TBX15: variants seen among roughly 807,000 people sequenced by gnomAD.
TBX15 encodes T-box transcription factor TBX15.
Under a neutral mutation model 53.9 loss-of-function variants are expected in TBX15, and 18 were observed. The observed-to-expected ratio is 0.33, with a 90% CI of 0.23 to 0.49. The LOEUF is 0.49. TBX15 is among the 20% of genes least tolerant of loss of function. TBX15 has a pLI of 0.98. For synonymous variants in TBX15, 295 were observed against 278.0 expected, an observed-to-expected ratio of 1.06 and a Z score of -0.61; for missense variants, 692 against 749.5, an observed-to-expected ratio of 0.92 and a Z score of 0.90.
intron 2 of TBX15, among the ~76,000 whole-genome samples, chr1:118,928,824 C>T (rs1655687480): frequency 1.3e-5 from 2 of 152,186 alleles, no homozygotes; most frequent in Admixed American, 6.5e-5. Flanking sequence ...TACCTGACTT[C>T]TAAAATAAAT....
chr1:118,899,075 A>C lies in TBX15; in HGVS notation c.977T>G (p.Val326Gly). The change falls in exon 7 of 8, where the codon GTG (valine) becomes GGG (glycine). Residue 326 changes from valine (V) to glycine (G), a missense_variant. Physicochemically the swap from Val to Gly is moderately radical, Grantham distance 109 (BLOSUM62 -3). Coordinates refer to ENST00000369429, the MANE Select transcript of TBX15 (RefSeq NM_001330677.2). ...GAAGTCTTCGAAGGTGAGTGTGCGC[A>C]CAGGAGGTCTCCAGAATGCATATGT... ...METYAFWRPP[V>G]RTLTFEDFTT... The C allele has an allele frequency of 6.2e-7, 1 of 1,613,708 alleles. No homozygotes were observed. Among genetic ancestry groups the C allele is most frequent in the East Asian group, 2.2e-5 (1 of 44,846 alleles).
chr1:118,920,187 G>A (rs1319891990), intron 5 of TBX15, among the ~76,000 whole-genome samples: 2 of 152,098 alleles, frequency 1.3e-5, no homozygotes, highest in Non-Finnish European at 2.9e-5. Context: ...TACAACTTTT[G>A]TTCTCAAAAA....
chr1:118,988,067 C>G lies in TBX15; in HGVS notation c.-272G>C, dbSNP rs947684872. The G allele has an allele frequency of 3.3e-5, 18 of 537,862 alleles. No homozygotes were observed. Among genetic ancestry groups the G allele is most frequent in the Non-Finnish European group, 5.3e-5 (16 of 304,366 alleles). The allele number at this position is 537,862 out of a possible 1,614,324, so 33.3% of individuals were successfully genotyped here. On this transcript the variant is annotated 5_prime_UTR_variant, in exon 1 of 8. Transcript: ENST00000369429. ...TCGCTGCATGAGCGCCCGAGTCCTGCTTCCCACCCACCGGGGCAGGCGCTC... is the reference window on the plus strand; with the variant it reads ...TCGCTGCATGAGCGCCCGAGTCCTGGTTCCCACCCACCGGGGCAGGCGCTC...
intron 1 of TBX15, among the ~76,000 whole-genome samples, chr1:118,972,368 T>C (rs1483492411): frequency 2.0e-5 from 3 of 152,200 alleles, no homozygotes; most frequent in African/African-American, 4.8e-5. Context: ...CCTGTCATAT[T>C]TGGTGCTCAA....
chr1:118,928,652 G>A (rs1216255952), intron 2 of TBX15, among the ~76,000 whole-genome samples: 1 of 152,156 alleles, frequency 6.6e-6, no homozygotes, highest in Non-Finnish European at 1.5e-5. Context: ...AAGAAAATAT[G>A]GTTTCCCCCA....
At chr1:118,949,122 C>T (rs935641652) in intron 1 of TBX15, among the ~76,000 whole-genome samples, 2 of 152,078 alleles carry the variant, frequency 1.3e-5, no homozygotes, top group African/African-American at 4.8e-5. Context: ...GGGAAGAGTA[C>T]CAGATTGATT....
chr1:118,975,680 C>A (rs1315527449), intron 1 of TBX15, among the ~76,000 whole-genome samples: 2 of 152,174 alleles, frequency 1.3e-5, no homozygotes, highest in African/African-American at 4.8e-5. Context: ...TCCTCAAGGC[C>A]TATTGGGTAG....
chr1:118,965,517 C>G (rs992906888), intron 1 of TBX15, among the ~76,000 whole-genome samples: 2 of 152,096 alleles, frequency 1.3e-5, no homozygotes, highest in Admixed American at 6.6e-5. Context: ...GGAGGGTAAT[C>G]TGGAATAACC....
At position 118,987,679 on chromosome 1, in the gene TBX15, C is replaced by A. The variant is rs575028944; in HGVS notation, c.117G>T (p.Gly39=). 1.3e-6 allele frequency: 2 copies of A among 1,550,388 alleles called. No individual in the cohort carries two copies. Among genetic ancestry groups the A allele is most frequent in the Admixed American group, 2.0e-5 (1 of 51,008 alleles). Residue 39 remains glycine (G), a synonymous_variant, in exon 1 of 8, where the codon GGG becomes GGT. Coordinates refer to ENST00000369429, the MANE Select transcript of TBX15 (RefSeq NM_001330677.2). The stretch of plus-strand genomic sequence containing the variant: ...TCAGCGCCTCCATAGACAGGTCCAG[C>A]CCCTTCTCCTCCCAGTCTCGCAGTT... The part of the protein sequence containing the change: ...KRKLRDWEEK[G]LDLSMEALSP...
intron 1 of TBX15, among the ~76,000 whole-genome samples, chr1:118,986,775 C>G (rs1322420887): frequency 2.0e-5 from 3 of 152,198 alleles, no homozygotes; most frequent in Non-Finnish European, 4.4e-5. Context: ...TGCGCGCGCG[C>G]ACACTCAAGA....
intron 6 of TBX15, among the ~76,000 whole-genome samples, chr1:118,909,935 A>G (rs1367529274): frequency 6.6e-6 from 1 of 152,180 alleles, no homozygotes; most frequent in Non-Finnish European, 1.5e-5. Context: ...GCTCAGCCAC[A>G]GGTCCCTCAA....
In TBX15 at chr1:118,924,504, C is replaced by T. The variant is rs1779437; in HGVS notation, c.693+142G>A. On this transcript the variant is annotated intron_variant, in intron 4 of 7. Coordinates refer to ENST00000369429, the MANE Select transcript of TBX15 (RefSeq NM_001330677.2). The stretch of plus-strand genomic sequence containing the variant: ...AATGGAATTTAACTGGAAAAAAACA[C>T]TTTTATGCTTACTTACTTAAAATTA... 688,413 of 985,858 alleles carry T rather than the reference C, an allele frequency of 0.7. 241,512 individuals are homozygous for T. Among genetic ancestry groups the T allele is most frequent in the East Asian group, 0.79 (32,476 of 41,050 alleles). 61.1% of individuals were successfully genotyped at this position (985,858 alleles called of 1,614,324 possible).
At chr1:118,965,137 C>A (rs143642766) in intron 1 of TBX15, among the ~76,000 whole-genome samples, 42 of 152,306 alleles carry the variant, frequency 2.8e-4, no homozygotes, top group African/African-American at 9.9e-4. Context: ...TTACTCAACA[C>A]CTTGAAAGCC....
rs180765793 is a variant in TBX15 at position 118,957,735 on chromosome 1, C to T, written c.206-25903G>A. Among the ~76,000 whole-genome samples, 320 of 152,238 alleles carry T rather than the reference C, an allele frequency of 2.1e-3. 1 individual carries two copies. Among genetic ancestry groups the T allele is most frequent in the Non-Finnish European group, 4.0e-3 (272 of 68,024 alleles). Reference sequence around the variant, plus strand: ...AAACATGCAGTGTTTGGTTTTTTGTCCTCGCGATAGTTTGCTGAGAATGAT... The same window carrying T: ...AAACATGCAGTGTTTGGTTTTTTGTTCTCGCGATAGTTTGCTGAGAATGAT... On this transcript the variant is annotated intron_variant, in intron 1 of 7. Transcript: ENST00000369429.
At chr1:118,958,249 T>C (rs1339209467) in intron 1 of TBX15, among the ~76,000 whole-genome samples, 2 of 152,256 alleles carry the variant, frequency 1.3e-5, no homozygotes, top group Non-Finnish European at 2.9e-5. Context: ...AGAGAGTTTG[T>C]TCTCTCTCTC....
At chr1:118,962,124 A>C (rs1017644690) in intron 1 of TBX15, among the ~76,000 whole-genome samples, 1 of 152,234 alleles carries the variant, frequency 6.6e-6, no homozygotes, top group African/African-American at 2.4e-5. Flanking sequence ...TCTTTTTTCT[A>C]TGAGGACAGT....
rs180767058 is a variant in TBX15, at chr1:118,909,371, G to C, written c.926+4744C>G. On this transcript the variant is annotated intron_variant, in intron 6 of 7. Coordinates refer to ENST00000369429, the MANE Select transcript of TBX15 (RefSeq NM_001330677.2). ...CCAGAAATGTAGGCCTCCTCTGCTA[G>C]ACTTTCCACATAATGAAAAGACAGC... Among the ~76,000 whole-genome samples the C allele has an allele frequency of 5.3e-5, 8 of 152,340 alleles. No individual in the cohort carries two copies. In the East Asian group the frequency reaches 1.5e-3, roughly 29 times the overall value.
At chr1:118,964,152 G>A (rs895988640) in intron 1 of TBX15, among the ~76,000 whole-genome samples, 2 of 152,218 alleles carry the variant, frequency 1.3e-5, no homozygotes, top group Admixed American at 1.3e-4. Context: ...CACAGAAACT[G>A]ATAACTGAAA....
intron 1 of TBX15, among the ~76,000 whole-genome samples, chr1:118,963,798 A>G (rs1379757452): frequency 1.3e-5 from 2 of 152,232 alleles, no homozygotes; most frequent in Non-Finnish European, 2.9e-5. Context: ...GTTTAGTAAC[A>G]TGACTTGCTT....
Sources: allele counts gnomAD v4.1 joint callset (sites outside exome capture counted in the v4.1 genomes callset), GRCh38; gene constraint gnomAD v4.1.1; transcripts MANE v1.5; gene names NCBI Gene and HGNC (gene_info 2026-07-23, HGNC 2026-07-21).